CERS4: variants seen among roughly 807,000 people sequenced by gnomAD.
CERS4 encodes ceramide synthase 4.
In CERS4, 65 loss-of-function variants were observed where a neutral mutation model predicts 51.8. The ratio of observed to expected loss-of-function variants is 1.26; its 90% CI spans 1.03 to 1.54. CERS4 has a LOEUF of 1.54. Among genes scored for constraint, CERS4 ranks in the 40% most tolerant of loss-of-function variants. The probability of loss-of-function intolerance (pLI) is 0.00; values close to 1 mark genes in which losing one functional copy is unlikely to be tolerated. For missense variants in CERS4, 563 were observed against 500.4 expected, an observed-to-expected ratio of 1.13 and a Z score of -1.19; for synonymous variants, 228 against 208.4, an observed-to-expected ratio of 1.09 and a Z score of -0.81.
chr19:8,261,744 AC>A lies in CERS4; in HGVS notation c.906del (p.Tyr303ThrfsTer7), dbSNP rs768390536. The A allele has an allele frequency of 1.9e-6, 3 of 1,614,108 alleles. No homozygotes were observed. Among genetic ancestry groups the A allele is most frequent in the South Asian group, 2.2e-5 (2 of 91,082 alleles). On this transcript the variant is annotated frameshift_variant, in exon 11 of 12. Coordinates refer to ENST00000251363, the MANE Select transcript of CERS4 (RefSeq NM_024552.3). LOFTEE classifies it high-confidence loss of function. ...AGCAACAGGGGCCCCTTCTTCGGCT[AC>A]TACTTCTTCAACGGGCTTCTGATGT... is the stretch of plus-strand genomic sequence containing the variant. ...SISNRGPFFG[Y>X]YFFNGLLMLL...
At chr19:8,220,970 C>T (rs757351426) in intron 2 of CERS4, among the ~76,000 whole-genome samples, 7 of 151,830 alleles carry the variant, frequency 4.6e-5, no homozygotes, top group African/African-American at 7.3e-5. Context: ...TATAGGCGCC[C>T]GCCACGGTGC....
At chr19:8,211,722 T>C (rs916028513) in intron 2 of CERS4, among the ~76,000 whole-genome samples, 3 of 151,294 alleles carry the variant, frequency 2.0e-5, no homozygotes, top group Admixed American at 6.6e-5. Flanking sequence ...TGAAACCCCA[T>C]CTCTACTAGA....
intron 2 of CERS4, among the ~76,000 whole-genome samples, chr19:8,223,169 G>A (rs987825555): frequency 6.1e-5 from 9 of 148,666 alleles, no homozygotes; most frequent in African/African-American, 2.2e-4. Flanking sequence ...CCCTGTCTCT[G>A]CCAAAAAAAA....
chr19:8,246,274 C>T (rs749376156), intron 2 of CERS4, among the ~76,000 whole-genome samples: 3 of 150,492 alleles, frequency 2.0e-5, no homozygotes, highest in African/African-American at 4.9e-5. Flanking sequence ...AAGATGTGTG[C>T]GGGCCAGGCG....
chr19:8,258,021 G>A lies in CERS4; in HGVS notation c.848+36G>A, dbSNP rs1969489452. The A allele has an allele frequency of 2.0e-6, 3 of 1,515,504 alleles. No homozygotes were observed. The East Asian group carries it at 6.8e-5, about 34-fold the overall frequency. The allele number at this position is 1,515,504 out of a possible 1,614,324, so 93.9% of individuals were successfully genotyped here. On this transcript the variant is annotated intron_variant, in intron 10 of 11. Coordinates refer to ENST00000251363, the MANE Select transcript of CERS4 (RefSeq NM_024552.3). ...CCTCCCATGGGGGTCAGGGAGGTGG[G>A]AGGGCGTGTCTGAGATTCCAGGACT...
In CERS4 at chr19:8,261,697, C is replaced by T; in HGVS notation, c.858C>T (p.Tyr286=). 1 of 1,614,136 alleles carries T rather than the reference C, an allele frequency of 6.2e-7. No individual in the cohort carries two copies. The highest frequency in any genetic ancestry group is 8.5e-7 in the Non-Finnish European group (1 of 1,180,022). ...CTCCCCCTGGCTGTAGGATCCTCTA[C>T]ACCACATACTACGAGTCCATCAGCA... ...RLVLFPTQIL[Y]TTYYESISNR... Residue 286 remains tyrosine (Y), a synonymous_variant, in exon 11 of 12, where the codon TAC becomes TAT. Transcript: ENST00000251363.
intron 2 of CERS4, among the ~76,000 whole-genome samples, chr19:8,228,431 T>A (rs1967874311): frequency 6.6e-6 from 1 of 152,186 alleles, no homozygotes; most frequent in Non-Finnish European, 1.5e-5. Context: ...TCCCAGCACT[T>A]TGGGAGGCCT....
rs192534827 is a variant in CERS4, at chr19:8,220,715, C to G, written c.-2+9853C>G. Among the ~76,000 whole-genome samples, 255 of 152,322 alleles carry G rather than the reference C, an allele frequency of 1.7e-3. 2 individuals are homozygous for G. Among genetic ancestry groups the G allele is most frequent in the African/African-American group, 5.8e-3 (240 of 41,580 alleles). On this transcript the variant is annotated intron_variant, in intron 2 of 11. Coordinates refer to ENST00000251363, the MANE Select transcript of CERS4 (RefSeq NM_024552.3). ...GGGATGGGACAACCTCCAAGGGCAG[C>G]CTGTGTTGCCAGGAGAACTCCCAGA...
intron 10 of CERS4, among the ~76,000 whole-genome samples, chr19:8,260,052 G>A (rs1969598330): frequency 6.6e-6 from 1 of 152,092 alleles, no homozygotes; most frequent in Non-Finnish European, 1.5e-5. Context: ...GAGCCAGAGA[G>A]GGAAGGGGCC....
At chr19:8,214,997 GGGA>G (rs1248303953) in intron 2 of CERS4, among the ~76,000 whole-genome samples, 189 of 64,738 alleles carry the variant, frequency 2.9e-3, no homozygotes, top group African/African-American at 9.9e-3. Flanking sequence ...GGGGAGGAGA[GGGA>G]GGAGGAGGAG....
intron 2 of CERS4, among the ~76,000 whole-genome samples, chr19:8,249,271 A>G (rs1941057978): frequency 6.6e-6 from 1 of 151,916 alleles, no homozygotes; most frequent in Non-Finnish European, 1.5e-5. Context: ...ATGGATCGGT[A>G]GATAGATGGA....
chr19:8,251,001 C>G lies in CERS4; in HGVS notation c.-1-75C>G, dbSNP rs144375855. On this transcript the variant is annotated intron_variant, in intron 2 of 11. Coordinates refer to ENST00000251363, the MANE Select transcript of CERS4 (RefSeq NM_024552.3). ...GGGCCCGAGTAGGAGTTCTGAGGCT[C>G]CAGCCTCTCAGGCCCCACTTGCCCC... 6.4e-5 allele frequency: 96 copies of G among 1,499,046 alleles called. No homozygotes were observed. The South Asian group carries it at 1.3e-3, about 20-fold the overall frequency. 92.9% of individuals were successfully genotyped at this position (1,499,046 alleles called of 1,614,324 possible).
intron 2 of CERS4, among the ~76,000 whole-genome samples, chr19:8,225,549 G>A (rs994404728): frequency 2.7e-5 from 4 of 150,604 alleles, no homozygotes; most frequent in East Asian, 4.0e-4. Flanking sequence ...TCAGCCTCTC[G>A]AGTGGCTGGG....
chr19:8,236,507 A>G (rs1328996227), intron 2 of CERS4, among the ~76,000 whole-genome samples: 1 of 150,248 alleles, frequency 6.7e-6, no homozygotes, highest in African/African-American at 2.5e-5. Flanking sequence ...GTGAAATCCC[A>G]TCTCTACAAA....
At chr19:8,224,712 C>T (rs1967712492) in intron 2 of CERS4, among the ~76,000 whole-genome samples, 1 of 152,062 alleles carries the variant, frequency 6.6e-6, no homozygotes, top group African/African-American at 2.4e-5. Flanking sequence ...GACCTGGGTG[C>T]TGAGTGGGGA....
At chr19:8,226,435 G>A (rs1967791168) in intron 2 of CERS4, among the ~76,000 whole-genome samples, 1 of 152,124 alleles carries the variant, frequency 6.6e-6, no homozygotes, top group African/African-American at 2.4e-5. Context: ...CTACCTCCAT[G>A]TATGCTGTCA....
At chr19:8,247,732 C>CTTTTTTT (rs370855290) in intron 2 of CERS4, among the ~76,000 whole-genome samples, 4 of 131,160 alleles carry the variant, frequency 3.0e-5, no homozygotes, top group Admixed American at 8.4e-5. Context: ...ACCTCCGCAT[C>CTTTTTTT]TTTTTTTTTT....
At chr19:8,227,884 A>G (rs948609589) in intron 2 of CERS4, among the ~76,000 whole-genome samples, 4 of 151,916 alleles carry the variant, frequency 2.6e-5, no homozygotes, top group African/African-American at 9.7e-5. Flanking sequence ...TTGTTTTGAG[A>G]CGGAGTCTCA....
At chr19:8,246,997 C>T (rs977720003) in intron 2 of CERS4, among the ~76,000 whole-genome samples, 1 of 152,124 alleles carries the variant, frequency 6.6e-6, no homozygotes, top group Non-Finnish European at 1.5e-5. Context: ...AAAACCCCAT[C>T]TCTACTAAAA....
Sources: allele counts gnomAD v4.1 joint callset (sites outside exome capture counted in the v4.1 genomes callset), GRCh38; gene constraint gnomAD v4.1.1; transcripts MANE v1.5; gene names NCBI Gene and HGNC (gene_info 2026-07-23, HGNC 2026-07-21).